TSHZ3: variants seen among roughly 807,000 people sequenced by gnomAD.
The protein encoded by TSHZ3 is teashirt homolog 3.
In TSHZ3, 10 loss-of-function variants were observed where a neutral mutation model predicts 64.5. The observed-to-expected ratio is 0.16, with a 90% CI of 0.10 to 0.26. The LOEUF is 0.26. TSHZ3 is among the 10% of genes least tolerant of loss of function. The pLI, the probability that TSHZ3 is intolerant of heterozygous loss-of-function variation, is 1.00. For missense variants in TSHZ3, 1,242 were observed against 1,421.7 expected (o/e 0.87, Z 2.03); for synonymous variants, 608 against 593.1 (o/e 1.03, Z -0.36).
rs372606089 is a variant in TSHZ3, at chr19:31,277,426, G to A, written c.2367C>T (p.Pro789=). The part of the protein sequence containing the change: ...RYFYHVNNDQ[P]IDLTKGKSDK... ...CACTCTTCCCTTTTGTCAAGTCTATGGGCTGGTCGTTGTTGACGTGGTAGA... is the reference window on the plus strand; with the variant it reads ...CACTCTTCCCTTTTGTCAAGTCTATAGGCTGGTCGTTGTTGACGTGGTAGA... Residue 789 remains proline, a synonymous_variant, in exon 2 of 2, where the codon CCC becomes CCT. Transcript: ENST00000240587. This position sits in a 1 kb window ranked among gnomAD's most constrained non-coding sequence, Gnocchi z 4.5. 24 of 1,613,988 alleles carry A rather than the reference G, an allele frequency of 1.5e-5. 1 individual carries two copies. The African/African-American group carries it at 2.3e-4, about 15-fold the overall frequency.
chr19:31,245,776 CTGTTACA>C (rs1975751457), intron 1 of TSHZ3, among the ~76,000 whole-genome samples: 1 of 152,166 alleles, frequency 6.6e-6, no homozygotes. Context: ...GTGGTAGGGG[CTGTTACA>C]ACCCATCCTG....
chr19:31,283,225 T>C (rs577215596), intron 1 of TSHZ3, among the ~76,000 whole-genome samples: 2 of 152,080 alleles, frequency 1.3e-5, no homozygotes, highest in East Asian at 3.9e-4. Context: ...TCCCAGTTAC[T>C]CCAGAGGCTG....
At chr19:31,162,282 A>G (rs1338371339) in intron 5 of TSHZ3, among the ~76,000 whole-genome samples, 3 of 152,192 alleles carry the variant, frequency 2.0e-5, no homozygotes, top group Non-Finnish European at 4.4e-5. Context: ...AATTATAATC[A>G]GGTAGAATTT....
chr19:31,191,070 C>G (rs192324782), intron 5 of TSHZ3, among the ~76,000 whole-genome samples: 1 of 151,990 alleles, frequency 6.6e-6, no homozygotes, highest in Non-Finnish European at 1.5e-5. Context: ...GTAATTCAAT[C>G]AAATGGTTTA....
At chr19:31,263,328 TG>T (rs796815601) in intron 1 of TSHZ3, among the ~76,000 whole-genome samples, 1 of 151,946 alleles carries the variant, frequency 6.6e-6, no homozygotes, top group South Asian at 2.1e-4. Context: ...TGGCAGGGGG[TG>T]GGGAGTGTGG....
chr19:31,339,308 G>T (rs1178814540), intron 1 of TSHZ3, among the ~76,000 whole-genome samples: 1 of 152,016 alleles, frequency 6.6e-6, no homozygotes, highest in Non-Finnish European at 1.5e-5. Flanking sequence ...GAACAGTGTG[G>T]TTTAGCAGAT....
chr19:31,232,885 C>G (rs1370579923), intron 3 of TSHZ3, among the ~76,000 whole-genome samples: 1 of 152,242 alleles, frequency 6.6e-6, no homozygotes, highest in Non-Finnish European at 1.5e-5. Context: ...TTCATCCATG[C>G]ACGTATCCAG....
chr19:31,286,803 C>T (rs1209671191), intron 1 of TSHZ3, among the ~76,000 whole-genome samples: 3 of 152,190 alleles, frequency 2.0e-5, no homozygotes, highest in African/African-American at 7.2e-5. Flanking sequence ...GCATCCCCAC[C>T]CTCAGCTCAC....
At chr19:31,190,393 A>G (rs1174358474) in intron 5 of TSHZ3, among the ~76,000 whole-genome samples, 1 of 152,204 alleles carries the variant, frequency 6.6e-6, no homozygotes, top group East Asian at 1.9e-4. Flanking sequence ...TTCAGCCAGG[A>G]CAGAGAAACC....
At chr19:31,161,354 T>A (rs1974371963) in intron 5 of TSHZ3, among the ~76,000 whole-genome samples, 1 of 152,174 alleles carries the variant, frequency 6.6e-6, no homozygotes, top group Admixed American at 6.5e-5. Flanking sequence ...AGGACTAAAG[T>A]TAAGGCAGAA....
chr19:31,247,024 A>G (rs1216255022), intron 1 of TSHZ3, among the ~76,000 whole-genome samples: 1 of 152,206 alleles, frequency 6.6e-6, no homozygotes, highest in Non-Finnish European at 1.5e-5. Flanking sequence ...TTACATGGAT[A>G]TAAATAAATA....
intron 1 of TSHZ3, chr19:31,308,634 G>A (rs1441573566): frequency 5.0e-6 from 2 of 398,470 alleles, no homozygotes; most frequent in Non-Finnish European, 8.8e-6. Flanking sequence ...GTACACAGGG[G>A]TAGTGTGAAG....
In TSHZ3 at chr19:31,180,790, G is replaced by C; in HGVS notation, n.809+24166C>G. On this transcript the variant is annotated intron_variant and non_coding_transcript_variant, in intron 5 of 6. Coordinates refer to the TSHZ3 transcript ENST00000651361. Reference sequence around the variant, plus strand: ...TTGCTTTTATGATAACCGCCATCAGGCCATCTTCCTACCACTGGGGCCCGG... The same window carrying C: ...TTGCTTTTATGATAACCGCCATCAGCCCATCTTCCTACCACTGGGGCCCGG... Among the ~76,000 whole-genome samples, 3 of 152,148 alleles carry C rather than the reference G, an allele frequency of 2.0e-5. 1 individual carries two copies. The East Asian group carries it at 5.8e-4, about 29-fold the overall frequency.
intron 1 of TSHZ3, among the ~76,000 whole-genome samples, chr19:31,245,140 A>C (rs1599602474): frequency 6.6e-6 from 1 of 152,078 alleles, no homozygotes; most frequent in East Asian, 1.9e-4. Flanking sequence ...TATATTTTTC[A>C]ATTGTTGCAA....
At chr19:31,345,074 T>C (rs980861994) in intron 1 of TSHZ3, among the ~76,000 whole-genome samples, 1 of 152,180 alleles carries the variant, frequency 6.6e-6, no homozygotes, top group Non-Finnish European at 1.5e-5. Context: ...GAAGGTTCTC[T>C]TCCCCACGTG....
chr19:31,303,490 G>A (rs541636835), intron 1 of TSHZ3, among the ~76,000 whole-genome samples: 31 of 152,208 alleles, frequency 2.0e-4, no homozygotes, highest in Middle Eastern at 3.4e-3. Context: ...TGACCTGCAC[G>A]GGGCCTGCAC....
intron 1 of TSHZ3, among the ~76,000 whole-genome samples, chr19:31,316,449 C>T (rs918701162): frequency 3.9e-5 from 6 of 152,108 alleles, no homozygotes; most frequent in African/African-American, 1.4e-4. Flanking sequence ...GTGGTGTGTA[C>T]GAGGCCTCTC....
At chr19:31,247,854 CAGTG>C (rs892701718) in intron 1 of TSHZ3, among the ~76,000 whole-genome samples, 6 of 126,924 alleles carry the variant, frequency 4.7e-5, no homozygotes, top group African/African-American at 8.1e-5. Context: ...CACACAATTA[CAGTG>C]TGTGTGTGTG....
chr19:31,162,755 A>G (rs953636434), intron 5 of TSHZ3, among the ~76,000 whole-genome samples: 3 of 152,240 alleles, frequency 2.0e-5, no homozygotes, highest in African/African-American at 7.2e-5. Flanking sequence ...TGCTCAGCAT[A>G]CATGAGGTTA....
Sources: gnomAD v4.1 joint callset for allele counts (sites outside exome capture counted in the v4.1 genomes callset) on GRCh38, gnomAD v4.1.1 for gene constraint, Gnocchi (gnomAD v3.1) non-coding constraint, MANE v1.5 for transcripts, NCBI Gene and HGNC (gene_info 2026-07-23, HGNC 2026-07-21) for gene names.